TBC1D32: variants seen among roughly 807,000 people sequenced by gnomAD.
The protein encoded by TBC1D32 is protein broad-minded.
TBC1D32 carries 151 observed loss-of-function variants against 170.3 expected under a neutral mutation model. The observed-to-expected ratio is 0.89, with a 90% CI of 0.78 to 1.01. TBC1D32 has a LOEUF of 1.01. Ranked by LOEUF, TBC1D32 falls within the 50% of genes least tolerant of loss-of-function variation. The pLI is 0.00. For missense variants in TBC1D32, 1,464 were observed against 1,457.1 expected (o/e 1.00, Z -0.08); for synonymous variants, 498 against 488.0 (o/e 1.02, Z -0.27).
intron 27 of TBC1D32, among the ~76,000 whole-genome samples, chr6:121,114,328 T>G (rs932224166): frequency 2.0e-5 from 3 of 152,224 alleles, no homozygotes; most frequent in Non-Finnish European, 4.4e-5. Context: ...AAACATTTCA[T>G]AATAACTTTG....
rs375781270 is a variant in TBC1D32 at position 121,327,877 on chromosome 6, A to C, written c.156-6083T>G. 3.3e-5 allele frequency among the ~76,000 whole-genome samples: 5 copies of C among 152,322 alleles called. No homozygotes were observed. The East Asian group carries it at 9.6e-4, about 29-fold the overall frequency. Reference sequence around the variant, plus strand: ...CTGCACAATGCTAGTCTGGCCTTTCAATAGCGTCTCTCCCGAAGAATTACA... The same window carrying C: ...CTGCACAATGCTAGTCTGGCCTTTCCATAGCGTCTCTCCCGAAGAATTACA... On this transcript the variant is annotated intron_variant, in intron 1 of 31. Coordinates refer to ENST00000398212, the MANE Select transcript of TBC1D32 (RefSeq NM_152730.6).
chr6:121,253,353 AT>A (rs1482474212), intron 17 of TBC1D32, among the ~76,000 whole-genome samples: 1 of 152,030 alleles, frequency 6.6e-6, no homozygotes, highest in Non-Finnish European at 1.5e-5. Flanking sequence ...TTGAAAAAAA[AT>A]GTTCAACATC....
intron 24 of TBC1D32, among the ~76,000 whole-genome samples, chr6:121,156,497 T>G (rs1426942006): frequency 6.6e-6 from 1 of 152,000 alleles, no homozygotes; most frequent in Non-Finnish European, 1.5e-5. Flanking sequence ...TTTTTATGGA[T>G]GTTTGTGTCA....
At chr6:121,249,133 C>T (rs1348037740) in intron 17 of TBC1D32, among the ~76,000 whole-genome samples, 1 of 151,372 alleles carries the variant, frequency 6.6e-6, no homozygotes, top group African/African-American at 2.4e-5. Context: ...ATCATGATCA[C>T]AATGTAGGGA....
At chr6:121,206,896 C>A (rs1419418747) in intron 21 of TBC1D32, among the ~76,000 whole-genome samples, 1 of 152,162 alleles carries the variant, frequency 6.6e-6, no homozygotes, top group African/African-American at 2.4e-5. Context: ...AATTGCATCA[C>A]AACTCTTTCT....
intron 22 of TBC1D32, among the ~76,000 whole-genome samples, chr6:121,173,233 G>T (rs115976254): frequency 1.3e-5 from 2 of 152,078 alleles, no homozygotes; most frequent in African/African-American, 4.8e-5. Context: ...TCCCATGCTG[G>T]ATGCTTTTTG....
chr6:121,221,750 A>C (rs1794551448), intron 21 of TBC1D32, among the ~76,000 whole-genome samples: 1 of 152,252 alleles, frequency 6.6e-6, no homozygotes, highest in Admixed American at 6.5e-5. Context: ...AAAATCAAAC[A>C]GATGAGGAGT....
At chr6:121,157,444 T>C (rs1785048815) in intron 24 of TBC1D32, among the ~76,000 whole-genome samples, 1 of 152,150 alleles carries the variant, frequency 6.6e-6, no homozygotes, top group African/African-American at 2.4e-5. Flanking sequence ...TTGGGTCTTA[T>C]CTTTTTATCC....
In TBC1D32 at chr6:121,294,583, A is replaced by G; in HGVS notation, c.1218T>C (p.His406=). ...AATAATACTTACTGCAATGCTTTGA[A>G]TGTCCCAAAGTTTCATCAGCTTTCC... The part of the protein sequence containing the change: ...KTRKADETLG[H]SKHCRNKQKT... The change falls in exon 11 of 32, where the codon CAT becomes CAC. Residue 406 remains histidine, a synonymous_variant. Coordinates refer to ENST00000398212, the MANE Select transcript of TBC1D32 (RefSeq NM_152730.6). The G allele has an allele frequency of 6.2e-7, 1 of 1,611,438 alleles. No homozygotes were observed. The highest frequency in any genetic ancestry group is 1.1e-5 in the South Asian group (1 of 90,488).
intron 17 of TBC1D32, among the ~76,000 whole-genome samples, chr6:121,254,595 T>C (rs528650691): frequency 7.2e-6 from 1 of 138,926 alleles, no homozygotes; most frequent in Admixed American, 7.4e-5. Flanking sequence ...ACCATTATAC[T>C]GTTAAGGAAA....
intron 10 of TBC1D32, among the ~76,000 whole-genome samples, chr6:121,296,947 C>G (rs561640089): frequency 1.3e-5 from 2 of 152,148 alleles, no homozygotes; most frequent in East Asian, 3.9e-4. Flanking sequence ...TTCATTTGAA[C>G]CTTTAGAAAT....
chr6:121,281,723 T>A, intron 13 of TBC1D32, 37 bp from the exon 14 acceptor site: 1 of 1,490,026 alleles, frequency 6.7e-7, no homozygotes, highest in Non-Finnish European at 9.1e-7. Flanking sequence ...ACCAAAACAT[T>A]AAATACTTAG....
At chr6:121,321,298 G>T (rs188191604) in intron 2 of TBC1D32, among the ~76,000 whole-genome samples, 1 of 152,136 alleles carries the variant, frequency 6.6e-6, no homozygotes, top group Non-Finnish European at 1.5e-5. Context: ...AAATCCCTCC[G>T]GGAGGGACTT....
chr6:121,321,962 TTC>T (rs1162658758), intron 1 of TBC1D32, among the ~76,000 whole-genome samples, 168 bp from the exon 2 acceptor site: 1 of 151,572 alleles, frequency 6.6e-6, no homozygotes, highest in African/African-American at 2.4e-5. Flanking sequence ...GCTTTTTTTT[TTC>T]TGAGACACTT....
intron 14 of TBC1D32, among the ~76,000 whole-genome samples, chr6:121,279,865 C>G (rs1802745516): frequency 6.6e-6 from 1 of 151,900 alleles, no homozygotes. Flanking sequence ...ACCAGAGAGC[C>G]ATGTTAATGC....
chr6:121,273,691 T>C (rs146579815), intron 15 of TBC1D32, among the ~76,000 whole-genome samples: 6 of 151,700 alleles, frequency 4.0e-5, no homozygotes, highest in East Asian at 1.9e-4. Flanking sequence ...TGTCTGCTTA[T>C]GCATTTTAAG....
intron 4 of TBC1D32, among the ~76,000 whole-genome samples, chr6:121,309,258 G>C (rs1180203327): frequency 4.6e-5 from 7 of 152,126 alleles, no homozygotes; most frequent in Non-Finnish European, 1.0e-4. Context: ...ATGCCATTAA[G>C]AATTTACTAC....
chr6:121,194,245 C>T (rs1380389078), intron 22 of TBC1D32, among the ~76,000 whole-genome samples: 2 of 152,156 alleles, frequency 1.3e-5, no homozygotes, highest in Non-Finnish European at 1.5e-5. Context: ...GCATAATTGG[C>T]ATAGACATAC....
chr6:121,247,429 A>C (rs1563066484), intron 17 of TBC1D32, among the ~76,000 whole-genome samples: 1 of 151,938 alleles, frequency 6.6e-6, no homozygotes, highest in Non-Finnish European at 1.5e-5. Context: ...AAAAGTATCA[A>C]GGCAAAAACT....
Sources: gnomAD v4.1 joint callset for allele counts (sites outside exome capture counted in the v4.1 genomes callset) on GRCh38, gnomAD v4.1.1 for gene constraint, MANE v1.5 for transcripts, NCBI Gene and HGNC (gene_info 2026-07-23, HGNC 2026-07-21) for gene names.